Variants in AAK1 observed in about 807,000 individuals in gnomAD.
The protein encoded by AAK1 is AP2 associated kinase 1.
AAK1 carries 37 observed loss-of-function variants against 116.0 expected under a neutral mutation model. The ratio of observed to expected loss-of-function variants is 0.32; its 90% confidence interval spans 0.25 to 0.42. The LOEUF is 0.42. AAK1 is among the 10% of genes least tolerant of loss of function. The pLI is 1.00. For missense variants in AAK1, 919 were observed against 1,170.6 expected (o/e 0.79, Z 3.14); for synonymous variants, 458 against 439.9 (o/e 1.04, Z -0.51).
At chr2:69,552,201 G>A (rs150555947) in intron 3 of AAK1, among the ~76,000 whole-genome samples, 55 of 152,258 alleles carry the variant, frequency 3.6e-4, no homozygotes, top group Non-Finnish European at 7.6e-4. Flanking sequence ...TTTAGCTACA[G>A]TAATCAAGGC....
Position 69,527,308 on chromosome 2 carries a change from C to G in AAK1, c.883G>C (p.Glu295Gln), listed in dbSNP as rs1670066438. The G allele has an allele frequency of 6.3e-7, 1 of 1,597,392 alleles. No homozygotes were observed. The highest frequency in any genetic ancestry group is 8.6e-7 in the Non-Finnish European group (1 of 1,168,402). Residue 295 changes from glutamate (E) to glutamine (Q), a missense_variant, in exon 9 of 22, where the codon GAA becomes CAA. Glu to Gln is a conservative substitution (Grantham distance 29, BLOSUM62 2). Transcript: ENST00000409085. ...DMHCLIRYMLEPDPDKRPDIY... is the reference protein window; with the variant it reads ...DMHCLIRYMLQPDPDKRPDIY... ...TCCGGCCTTTTGTCAGGGTCTGGTTCCAACATATACCCTAAGGCAAACATG... is the reference window on the plus strand; with the variant it reads ...TCCGGCCTTTTGTCAGGGTCTGGTTGCAACATATACCCTAAGGCAAACATG...
At chr2:69,484,832 G>A (rs951356112) in intron 17 of AAK1, among the ~76,000 whole-genome samples, 1 of 151,068 alleles carries the variant, frequency 6.6e-6, no homozygotes, top group Non-Finnish European at 1.5e-5. Flanking sequence ...CCAAGATCAT[G>A]CCATTGCACT....
In AAK1 at chr2:69,542,662, C is replaced by A. The variant is rs765826638; in HGVS notation, c.395G>T (p.Gly132Val). 6.2e-7 allele frequency: 1 copy of A among 1,613,656 alleles called. No homozygotes were observed. The highest frequency in any genetic ancestry group is 8.5e-7 in the Non-Finnish European group (1 of 1,179,840). ...VLILMDFCRG[G>V]QVVNLMNQRL... is the part of the protein sequence containing the mutation. Reference sequence around the variant, plus strand: ...CTGGTTCATCAGGTTTACCACCTGGCCACCTGAGGGGGTACGTACAGGGCA... The same window carrying A: ...CTGGTTCATCAGGTTTACCACCTGGACACCTGAGGGGGTACGTACAGGGCA... The change falls in exon 5 of 22, where the codon GGC becomes GTC. Residue 132 changes from glycine (G) to valine (V), a missense_variant. Gly to Val is a moderately radical substitution (Grantham distance 109, BLOSUM62 -3). Around this residue, in one of 4 missense-constraint regions of AAK1, gnomAD observed 317 missense variants for 490.4 expected, o/e 0.65. Coordinates refer to ENST00000409085, the MANE Select transcript of AAK1 (RefSeq NM_014911.5).
At chr2:69,488,002 G>A (rs781551257) in intron 17 of AAK1, among the ~76,000 whole-genome samples, 32 of 151,976 alleles carry the variant, frequency 2.1e-4, no homozygotes, top group Non-Finnish European at 4.4e-4. Context: ...TGTGGGCCAG[G>A]CTGGTCTCAA....
chr2:69,539,134 G>A (rs1670597342), intron 5 of AAK1, among the ~76,000 whole-genome samples: 1 of 152,172 alleles, frequency 6.6e-6, no homozygotes, highest in Non-Finnish European at 1.5e-5. Flanking sequence ...GCTCGGAGAG[G>A]CTAGTGATTT....
rs553779794 is a variant in AAK1 at position 69,473,971 on chromosome 2, C to A, written c.*1898G>T. The stretch of plus-strand genomic sequence containing the variant: ...TTTAATCCTCGGCAGGAAGCTTGTG[C>A]CTCTCTCAGTTTTGGAAATGGTCTG... On this transcript the variant is annotated 3_prime_UTR_variant, in exon 22 of 22. Coordinates refer to ENST00000409085, the MANE Select transcript of AAK1 (RefSeq NM_014911.5). The A allele has an allele frequency of 2.2e-5, 22 of 985,728 alleles. No individual in the cohort carries two copies. The highest frequency in any genetic ancestry group is 2.7e-5 in the Non-Finnish European group (22 of 829,908). The allele number at this position is 985,728 out of a possible 1,614,324, so 61.1% of individuals were successfully genotyped here.
chr2:69,621,422 T>C (rs1674622814), intron 2 of AAK1, among the ~76,000 whole-genome samples: 2 of 150,840 alleles, frequency 1.3e-5, no homozygotes, highest in Admixed American at 1.3e-4. Flanking sequence ...GAGGTTGCAG[T>C]GAGCTGAGAT....
rs199981932 is a variant in AAK1, at chr2:69,543,524, C to T, written c.392-859G>A. ...CTGGGTTCAAGTGATTCTGCTGCCT[C>T]AGCCTCCCGAGTAGCTGGGATTACA... On this transcript the variant is annotated intron_variant, in intron 4 of 21. Transcript: ENST00000409085. Among the ~76,000 whole-genome samples the T allele has an allele frequency of 1.6e-4, 24 of 152,264 alleles. No homozygotes were observed. In the East Asian group the frequency reaches 4.3e-3, roughly 27 times the overall value.
At chr2:69,529,074 T>C (rs1558937774) in intron 8 of AAK1, among the ~76,000 whole-genome samples, 1 of 152,242 alleles carries the variant, frequency 6.6e-6, no homozygotes. Flanking sequence ...GCTGTATCTA[T>C]GTTAAGTGGA....
chr2:69,488,600 G>A (rs1224423517), intron 17 of AAK1, among the ~76,000 whole-genome samples: 1 of 152,146 alleles, frequency 6.6e-6, no homozygotes, highest in Non-Finnish European at 1.5e-5. Context: ...ACATAAAAGG[G>A]GATTAACGTC....
chr2:69,518,097 G>A (rs1368443841), intron 12 of AAK1, among the ~76,000 whole-genome samples: 1 of 152,028 alleles, frequency 6.6e-6, no homozygotes, highest in Non-Finnish European at 1.5e-5. Flanking sequence ...ACTCCAGCCT[G>A]GGAAACAGAG....
chr2:69,531,374 G>T (rs1365000253), intron 6 of AAK1, among the ~76,000 whole-genome samples: 1 of 152,210 alleles, frequency 6.6e-6, no homozygotes, highest in Non-Finnish European at 1.5e-5. Flanking sequence ...GGGCATGGTT[G>T]TCTGGGGTGA....
In AAK1 at chr2:69,469,788, ACTT is replaced by A; in HGVS notation, c.*6078_*6080del. The A allele has an allele frequency of 2.0e-6, 2 of 985,388 alleles. No individual in the cohort carries two copies. Among genetic ancestry groups the A allele is most frequent in the Non-Finnish European group, 2.4e-6 (2 of 829,922 alleles). 61.0% of individuals were successfully genotyped at this position (985,388 alleles called of 1,614,324 possible). On this transcript the variant is annotated 3_prime_UTR_variant, in exon 22 of 22. Coordinates refer to ENST00000409085, the MANE Select transcript of AAK1 (RefSeq NM_014911.5). ...AAAATTAAGCAAGAAGTCAAAACAT[ACTT>A]CTTTTTCTTGCTCTGATGTAGGACT...
chr2:69,598,296 T>C, intron 2 of AAK1: 1 of 374,240 alleles, frequency 2.7e-6, no homozygotes, highest in Non-Finnish European at 5.0e-6. Flanking sequence ...ACAGAGGATT[T>C]CACCAAAAAC....
intron 14 of AAK1, among the ~76,000 whole-genome samples, 155 bp from the exon 15 acceptor site, chr2:69,507,733 G>GTT (rs1676242893): frequency 6.8e-6 from 1 of 147,142 alleles, no homozygotes; most frequent in African/African-American, 2.5e-5. Flanking sequence ...TTGAGTCAGA[G>GTT]TTTTGCTCTT....
intron 2 of AAK1, among the ~76,000 whole-genome samples, chr2:69,622,408 A>G (rs1674686264): frequency 6.8e-6 from 1 of 146,912 alleles, no homozygotes; most frequent in Non-Finnish European, 1.5e-5. Context: ...TCAACTGCCC[A>G]AGGGCTGAGG....
chr2:69,467,287 T>G lies in AAK1; in HGVS notation c.*8582A>C. 1.0e-6 allele frequency: 1 copy of G among 985,440 alleles called. No homozygotes were observed. Among genetic ancestry groups the G allele is most frequent in the Non-Finnish European group, 1.2e-6 (1 of 829,934 alleles). 61.0% of individuals were successfully genotyped at this position (985,440 alleles called of 1,614,324 possible). ...AGTTCTTTAAGCAGAAGGAGTAAAA[T>G]GCATGGGCCATTACAGAAGCATTAG... On this transcript the variant is annotated 3_prime_UTR_variant, in exon 22 of 22. Coordinates refer to ENST00000409085, the MANE Select transcript of AAK1 (RefSeq NM_014911.5).
intron 2 of AAK1, among the ~76,000 whole-genome samples, chr2:69,640,927 A>T (rs571618291): frequency 2.4e-4 from 36 of 152,336 alleles, no homozygotes; most frequent in African/African-American, 8.7e-4. Flanking sequence ...AAAAGCTAGC[A>T]TCTAGTTTAA....
chr2:69,525,519 G>C (rs994005714), intron 9 of AAK1, among the ~76,000 whole-genome samples: 2 of 152,144 alleles, frequency 1.3e-5, no homozygotes, highest in Admixed American at 6.5e-5. Flanking sequence ...ACAGATCTTC[G>C]TTCGAGCTTA....
Sources: allele counts gnomAD v4.1 joint callset (sites outside exome capture counted in the v4.1 genomes callset), GRCh38; gene constraint gnomAD v4.1.1; regional missense constraint gnomAD v4.1.1; transcripts MANE v1.5; gene names NCBI Gene and HGNC (gene_info 2026-07-23, HGNC 2026-07-21).